Variants in CLVS1 observed in about 807,000 individuals in gnomAD.
The protein encoded by CLVS1 is clavesin 1.
CLVS1 carries 10 observed loss-of-function variants against 33.1 expected under a neutral mutation model. The ratio of observed to expected loss-of-function variants is 0.30; its 90% CI spans 0.19 to 0.51. The LOEUF (loss-of-function observed/expected upper bound fraction) is 0.51, where lower values mean the gene tolerates loss of function less well. Ranked by LOEUF, CLVS1 falls within the 20% of genes least tolerant of loss-of-function variation. The pLI, the probability that CLVS1 is intolerant of heterozygous loss-of-function variation, is 0.97. For synonymous variants in CLVS1, 163 were observed against 166.1 expected (o/e 0.98, Z 0.14); for missense variants, 343 against 433.4 (o/e 0.79, Z 1.85).
chr8:61,433,835 A>T (rs1585968150), intron 3 of CLVS1, among the ~76,000 whole-genome samples: 4 of 152,166 alleles, frequency 2.6e-5, no homozygotes, highest in Non-Finnish European at 4.4e-5. Context: ...AATTGCTTAA[A>T]CCCAGGAAGT....
At chr8:61,086,094 G>C (rs1273842170) in intron 1 of CLVS1, among the ~76,000 whole-genome samples, 1 of 141,132 alleles carries the variant, frequency 7.1e-6, no homozygotes, top group African/African-American at 2.7e-5. Flanking sequence ...TGTTGTGGTG[G>C]TGTGTGACTG....
At position 61,274,438 on chromosome 8, in the gene CLVS1, G is replaced by A. The variant is rs183408779; in HGVS notation, c.-151-25239G>A. Among the ~76,000 whole-genome samples the A allele has an allele frequency of 3.8e-3, 572 of 152,246 alleles. 5 individuals are homozygous for A. The highest frequency in any genetic ancestry group is 0.013 in the African/African-American group (529 of 41,536). Reference sequence around the variant, plus strand: ...GATAAGGCCATTTCTCTACCCTGGTGAATCACTTAACCAAGGATGTACTTA... The same window carrying A: ...GATAAGGCCATTTCTCTACCCTGGTAAATCACTTAACCAAGGATGTACTTA... On this transcript the variant is annotated intron_variant, in intron 2 of 2. Coordinates refer to the CLVS1 transcript ENST00000522621.
chr8:61,357,494 CTTTTTTTTTTTT>C (rs1167743712), intron 2 of CLVS1, among the ~76,000 whole-genome samples: 7 of 25,804 alleles, frequency 2.7e-4, no homozygotes, highest in East Asian at 2.4e-3. Context: ...TTTTTCTTTT[CTTTTTTTTTTTT>C]TTTTTTTTTT....
chr8:61,059,975 C>T (rs1804555322), intron 1 of CLVS1, among the ~76,000 whole-genome samples: 1 of 152,134 alleles, frequency 6.6e-6, no homozygotes, highest in South Asian at 2.1e-4. Flanking sequence ...TCTCTAACCT[C>T]TCTTTCATGC....
intron 1 of CLVS1, among the ~76,000 whole-genome samples, chr8:61,074,466 G>GTT (rs1246279461): frequency 1.0e-5 from 1 of 99,550 alleles, no homozygotes; most frequent in Non-Finnish European, 1.7e-5. Context: ...GTATATATAT[G>GTT]TTATATATAT....
At chr8:61,163,917 A>C (rs1043477571) in intron 2 of CLVS1, among the ~76,000 whole-genome samples, 2 of 152,162 alleles carry the variant, frequency 1.3e-5, no homozygotes, top group African/African-American at 4.8e-5. Context: ...AGCTGGAACA[A>C]ACACGGACCA....
intron 3 of CLVS1, among the ~76,000 whole-genome samples, chr8:61,405,269 A>G (rs181324472): frequency 5.5e-4 from 84 of 152,324 alleles, no homozygotes; most frequent in African/African-American, 1.9e-3. Context: ...CATTGGAGAA[A>G]ACATCTGCCA....
intron 2 of CLVS1, among the ~76,000 whole-genome samples, chr8:61,334,205 G>A (rs972480490): frequency 6.6e-6 from 1 of 152,246 alleles, no homozygotes; most frequent in Admixed American, 6.5e-5. Flanking sequence ...TGATTGGATA[G>A]TAGCTCTGAT....
chr8:61,171,965 G>A (rs1189705541), intron 2 of CLVS1, among the ~76,000 whole-genome samples: 1 of 152,150 alleles, frequency 6.6e-6, no homozygotes, highest in African/African-American at 2.4e-5. Context: ...GATTTTATCA[G>A]GAAGACTGTG....
intron 5 of CLVS1, among the ~76,000 whole-genome samples, chr8:61,475,041 G>A (rs1251082015): frequency 6.6e-6 from 1 of 152,168 alleles, no homozygotes; most frequent in Admixed American, 6.5e-5. Flanking sequence ...GTGAGAACAT[G>A]CAGGGTTTGG....
the CLVS1 span, among the ~76,000 whole-genome samples, chr8:60,982,617 G>A: frequency 6.6e-6 from 1 of 152,064 alleles, no homozygotes; most frequent in Admixed American, 6.5e-5. Context: ...ACTGCCCCCA[G>A]CCCCTGATAC....
intron 3 of CLVS1, among the ~76,000 whole-genome samples, chr8:61,405,703 C>CTTTT (rs775749517): frequency 2.4e-4 from 30 of 124,796 alleles, no homozygotes; most frequent in African/African-American, 8.0e-4. Flanking sequence ...GTGGAACTGA[C>CTTTT]TTTTTTTTTT....
At chr8:61,065,155 T>C (rs1804652984) in intron 1 of CLVS1, among the ~76,000 whole-genome samples, 1 of 152,246 alleles carries the variant, frequency 6.6e-6, no homozygotes, top group African/African-American at 2.4e-5. Flanking sequence ...AAGTCCCTTA[T>C]GTAAACGATG....
At chr8:61,146,949 G>T (rs1047874679) in intron 2 of CLVS1, among the ~76,000 whole-genome samples, 4 of 152,188 alleles carry the variant, frequency 2.6e-5, no homozygotes, top group Non-Finnish European at 5.9e-5. Flanking sequence ...CACCCTTTAG[G>T]TATTGTTTTG....
chr8:61,039,551 T>C, the CLVS1 span, among the ~76,000 whole-genome samples: 1 of 152,198 alleles, frequency 6.6e-6, no homozygotes, highest in Non-Finnish European at 1.5e-5. Context: ...ATTTGAACTT[T>C]TTTTTTTCAG....
the CLVS1 span, among the ~76,000 whole-genome samples, chr8:61,031,994 T>C: frequency 1.3e-5 from 2 of 152,184 alleles, no homozygotes; most frequent in Non-Finnish European, 2.9e-5. Context: ...GGCAATATAA[T>C]GGTAGCAGTT....
At chr8:61,304,284 A>G (rs1303450676) in intron 2 of CLVS1, among the ~76,000 whole-genome samples, 1 of 152,254 alleles carries the variant, frequency 6.6e-6, no homozygotes, top group South Asian at 2.1e-4. Context: ...AATGGGAAAC[A>G]CTATCCCGTG....
chr8:61,268,021 T>A (rs544795060), intron 2 of CLVS1, among the ~76,000 whole-genome samples: 10 of 152,262 alleles, frequency 6.6e-5, no homozygotes, highest in East Asian at 5.8e-4. Flanking sequence ...TCTTTTTTTT[T>A]TATTTTTATT....
intron 2 of CLVS1, among the ~76,000 whole-genome samples, chr8:61,196,815 C>A (rs193016571): frequency 3.5e-4 from 54 of 152,332 alleles, no homozygotes; most frequent in African/African-American, 1.1e-3. Context: ...ATGTGGCCAT[C>A]TAACTAGAGA....
Sources: allele counts gnomAD v4.1 joint callset (sites outside exome capture counted in the v4.1 genomes callset), GRCh38; gene constraint gnomAD v4.1.1; transcripts MANE v1.5; gene names NCBI Gene and HGNC (gene_info 2026-07-23, HGNC 2026-07-21).